Variants in CA10 observed in about 807,000 individuals in gnomAD.
CA10 encodes carbonic anhydrase-related protein 10.
In CA10, 14 loss-of-function variants were observed where a neutral mutation model predicts 44.2. The observed-to-expected ratio is 0.32, with a 90% CI of 0.21 to 0.50. The LOEUF (loss-of-function observed/expected upper bound fraction) is 0.50. Ranked by LOEUF, CA10 falls within the 20% of genes least tolerant of loss-of-function variation. The pLI, the probability that CA10 is intolerant of heterozygous loss-of-function variation, is 0.99. For missense variants in CA10, 350 were observed against 409.7 expected (o/e 0.85, Z 1.26); for synonymous variants, 159 against 141.6 (o/e 1.12, Z -0.87).
At chr17:51,893,442 CTT>C (rs151128585) in intron 3 of CA10, among the ~76,000 whole-genome samples, 112 of 152,184 alleles carry the variant, frequency 7.4e-4, no homozygotes, top group African/African-American at 2.5e-3. Context: ...GATTTTGTCT[CTT>C]TGACTTAAAT....
At position 52,088,611 on chromosome 17, in the gene CA10, A is replaced by C. The variant is rs1486599554; in HGVS notation, c.62-16218T>G. Among the ~76,000 whole-genome samples, 3 of 152,340 alleles carry C rather than the reference A, an allele frequency of 2.0e-5. No homozygotes were observed. In the East Asian group the frequency reaches 5.8e-4, roughly 29 times the overall value. ...TTACAAATGAAAAGAATGAACCAAT[A>C]GGAACTGCTTTCCTTGAGATCCCCC... On this transcript the variant is annotated intron_variant, in intron 1 of 8. Transcript: ENST00000451037.
chr17:51,919,511 T>C (rs1982140064), intron 3 of CA10, among the ~76,000 whole-genome samples: 1 of 152,222 alleles, frequency 6.6e-6, no homozygotes, highest in Non-Finnish European at 1.5e-5. Flanking sequence ...TTAGCTCATG[T>C]TTTTTTCTTT....
chr17:51,979,926 TGGG>T (rs1984594504), intron 2 of CA10, among the ~76,000 whole-genome samples: 1 of 152,210 alleles, frequency 6.6e-6, no homozygotes, highest in Non-Finnish European at 1.5e-5. Flanking sequence ...CTGTCATTGA[TGGG>T]CATTTAGATT....
At chr17:51,789,332 A>T (rs537391626) in intron 3 of CA10, among the ~76,000 whole-genome samples, 1 of 152,338 alleles carries the variant, frequency 6.6e-6, no homozygotes, top group African/African-American at 2.4e-5. Flanking sequence ...CAGTTTTCTA[A>T]TAAGAGACAT....
chr17:51,835,626 T>C (rs982517611), intron 3 of CA10, among the ~76,000 whole-genome samples: 6 of 152,224 alleles, frequency 3.9e-5, no homozygotes, highest in Admixed American at 2.6e-4. Flanking sequence ...TTGTACCTCC[T>C]TGGTGCCAAG....
intron 3 of CA10, among the ~76,000 whole-genome samples, chr17:51,854,252 G>A (rs1340015015): frequency 6.6e-6 from 1 of 152,104 alleles, no homozygotes; most frequent in Non-Finnish European, 1.5e-5. Flanking sequence ...AGGTTCACAG[G>A]GCAGGGGTGG....
chr17:52,089,119 C>A (rs1437030460), intron 1 of CA10, among the ~76,000 whole-genome samples: 1 of 152,204 alleles, frequency 6.6e-6, no homozygotes, highest in African/African-American at 2.4e-5. Flanking sequence ...AGAAAACGTT[C>A]CACATGCTGC....
chr17:52,033,700 A>G (rs1024693947), intron 2 of CA10, among the ~76,000 whole-genome samples: 1 of 152,216 alleles, frequency 6.6e-6, no homozygotes, highest in African/African-American at 2.4e-5. Flanking sequence ...AAAGATTAAC[A>G]GCATGGAAAT....
chr17:52,105,472 G>T (rs1006358722), intron 1 of CA10, among the ~76,000 whole-genome samples: 2 of 152,132 alleles, frequency 1.3e-5, no homozygotes, highest in African/African-American at 4.8e-5. Context: ...AGCCAGGATG[G>T]TCTCAATCTC....
At chr17:51,863,413 C>T (rs1979403434) in intron 3 of CA10, among the ~76,000 whole-genome samples, 1 of 152,210 alleles carries the variant, frequency 6.6e-6, no homozygotes, top group Non-Finnish European at 1.5e-5. Flanking sequence ...CTTGCTCTTT[C>T]ATGACATACT....
intron 1 of CA10, among the ~76,000 whole-genome samples, chr17:52,108,232 T>A (rs1988711618): frequency 7.4e-6 from 1 of 135,502 alleles, no homozygotes; most frequent in African/African-American, 2.6e-5. Flanking sequence ...ATATAATATG[T>A]ATATGATGGA....
At chr17:52,098,528 T>G (rs761000669) in intron 1 of CA10, among the ~76,000 whole-genome samples, 2 of 152,210 alleles carry the variant, frequency 1.3e-5, no homozygotes, top group African/African-American at 2.4e-5. Flanking sequence ...GACAACAGTG[T>G]CACACTACAG....
chr17:51,710,169 C>A (rs754679550), intron 4 of CA10, among the ~76,000 whole-genome samples: 1 of 152,060 alleles, frequency 6.6e-6, no homozygotes, highest in African/African-American at 2.4e-5. Context: ...GTTTAGCAGC[C>A]GACGTTTTCT....
chr17:52,091,473 A>G (rs1158785655), intron 1 of CA10, among the ~76,000 whole-genome samples: 1 of 152,160 alleles, frequency 6.6e-6, no homozygotes, highest in Non-Finnish European at 1.5e-5. Flanking sequence ...CCCAAAGGAC[A>G]TTGACCGTTT....
chr17:52,016,168 G>A (rs1218658404), intron 2 of CA10, among the ~76,000 whole-genome samples: 1 of 152,096 alleles, frequency 6.6e-6, no homozygotes, highest in African/African-American at 2.4e-5. Flanking sequence ...ATTCAAAGCA[G>A]CTCAGAGCAT....
intron 2 of CA10, among the ~76,000 whole-genome samples, chr17:52,020,817 C>T (rs978927067): frequency 6.6e-6 from 1 of 151,954 alleles, no homozygotes; most frequent in Non-Finnish European, 1.5e-5. Flanking sequence ...TTCTTTACCC[C>T]CTCCAGTGTC....
At chr17:51,916,380 C>G (rs1040049817) in intron 3 of CA10, among the ~76,000 whole-genome samples, 2 of 152,162 alleles carry the variant, frequency 1.3e-5, no homozygotes, top group African/African-American at 4.8e-5. Flanking sequence ...TTGGCTTTGT[C>G]CCCACCCAAA....
chr17:52,118,498 T>G (rs1988945563), intron 1 of CA10, among the ~76,000 whole-genome samples: 1 of 152,168 alleles, frequency 6.6e-6, no homozygotes, highest in Non-Finnish European at 1.5e-5. Flanking sequence ...TGAATCAAAT[T>G]TCAGCTTCAG....
intron 4 of CA10, among the ~76,000 whole-genome samples, chr17:51,721,255 C>T (rs949271132): frequency 1.7e-4 from 26 of 152,296 alleles, no homozygotes; most frequent in Middle Eastern, 3.4e-3. Context: ...TCACTTGAAC[C>T]TGGGAGGTGG....
Sources: allele counts gnomAD v4.1 joint callset (sites outside exome capture counted in the v4.1 genomes callset), GRCh38; gene constraint gnomAD v4.1.1; transcripts MANE v1.5; gene names NCBI Gene and HGNC (gene_info 2026-07-23, HGNC 2026-07-21).